Variants in SPOCK3 observed in about 807,000 individuals in gnomAD.
The protein encoded by SPOCK3 is testican-3.
A neutral mutation model predicts 56.6 loss-of-function variants in SPOCK3; 30 were observed. That is an observed-to-expected ratio of 0.53 (90% CI 0.40 to 0.72). The LOEUF (loss-of-function observed/expected upper bound fraction) is 0.72, where lower values mean the gene tolerates loss of function less well. SPOCK3 is among the 30% of genes least tolerant of loss of function. The probability of loss-of-function intolerance (pLI) is 0.00; values close to 1 mark genes in which losing one functional copy is unlikely to be tolerated. For synonymous variants in SPOCK3, 196 were observed against 183.3 expected, an observed-to-expected ratio of 1.07 and a Z score of -0.56; for missense variants, 527 against 530.0, an observed-to-expected ratio of 0.99 and a Z score of 0.06.
chr4:167,069,481 A>C (rs1243740118), intron 2 of SPOCK3, among the ~76,000 whole-genome samples: 2 of 152,010 alleles, frequency 1.3e-5, no homozygotes, highest in Admixed American at 6.6e-5. Context: ...AGATAAAAAT[A>C]ATAAACTGTG....
At chr4:167,021,242 G>T (rs989579174) in intron 3 of SPOCK3, among the ~76,000 whole-genome samples, 4 of 151,926 alleles carry the variant, frequency 2.6e-5, no homozygotes, top group Non-Finnish European at 1.5e-5. Flanking sequence ...ACACAAAGTG[G>T]CTCATTAAAT....
At chr4:166,823,227 T>C (rs1332073575) in intron 6 of SPOCK3, among the ~76,000 whole-genome samples, 5 of 152,068 alleles carry the variant, frequency 3.3e-5, no homozygotes, top group Admixed American at 6.6e-5. Context: ...ATAAACACTT[T>C]CAAGCTGAGA....
chr4:167,044,163 G>T (rs1270227312), intron 3 of SPOCK3, among the ~76,000 whole-genome samples: 1 of 151,836 alleles, frequency 6.6e-6, no homozygotes, highest in Non-Finnish European at 1.5e-5. Context: ...TCTTTTTCAG[G>T]TTTTAGCAGA....
intron 5 of SPOCK3, among the ~76,000 whole-genome samples, chr4:166,900,246 T>C (rs1011048090): frequency 2.5e-4 from 38 of 152,186 alleles, no homozygotes; most frequent in African/African-American, 9.2e-4. Flanking sequence ...GTGCACTTTT[T>C]ATCACCTAAT....
At chr4:167,056,075 T>A (rs1046659783) in intron 3 of SPOCK3, among the ~76,000 whole-genome samples, 55 of 152,238 alleles carry the variant, frequency 3.6e-4, no homozygotes, top group African/African-American at 1.3e-3. Context: ...GACTGACACC[T>A]CACATGGACA....
chr4:167,021,732 C>T (rs1751200781), intron 3 of SPOCK3, among the ~76,000 whole-genome samples: 1 of 151,966 alleles, frequency 6.6e-6, no homozygotes, highest in African/African-American at 2.4e-5. Flanking sequence ...AAAGGTCAAA[C>T]GGCCACCACC....
chr4:166,889,600 G>A (rs1734553529), intron 5 of SPOCK3, among the ~76,000 whole-genome samples: 1 of 151,876 alleles, frequency 6.6e-6, no homozygotes, highest in African/African-American at 2.4e-5. Flanking sequence ...CATCTCTTGA[G>A]CTTCTCAAAT....
At chr4:167,213,487 A>T (rs1735075096) in intron 2 of SPOCK3, among the ~76,000 whole-genome samples, 2 of 152,206 alleles carry the variant, frequency 1.3e-5, no homozygotes, top group Admixed American at 6.5e-5. Flanking sequence ...ATAAGTGAGA[A>T]AACTTTAATA....
At chr4:167,010,818 AG>A (rs1257465467) in intron 3 of SPOCK3, among the ~76,000 whole-genome samples, 1 of 149,988 alleles carries the variant, frequency 6.7e-6, no homozygotes, top group Non-Finnish European at 1.5e-5. Context: ...ATTAATTTCC[AG>A]TGGGGGGGAG....
intron 4 of SPOCK3, among the ~76,000 whole-genome samples, chr4:166,971,062 C>T (rs1010601621): frequency 1.3e-5 from 2 of 152,136 alleles, no homozygotes; most frequent in Non-Finnish European, 2.9e-5. Context: ...AGTTGAAACA[C>T]ATCAGAAGTA....
At chr4:166,836,960 C>G (rs1042937298) in intron 6 of SPOCK3, among the ~76,000 whole-genome samples, 2 of 152,074 alleles carry the variant, frequency 1.3e-5, no homozygotes, top group African/African-American at 4.8e-5. Flanking sequence ...CTATCAATTC[C>G]CACTTGTCCA....
At chr4:166,770,576 C>G (rs944064122) in intron 7 of SPOCK3, among the ~76,000 whole-genome samples, 2 of 151,972 alleles carry the variant, frequency 1.3e-5, no homozygotes, top group Admixed American at 6.6e-5. Context: ...AAATATAAAA[C>G]TGATATGTCT....
intron 4 of SPOCK3, among the ~76,000 whole-genome samples, chr4:166,929,981 A>G (rs7699507): frequency 0.19 from 29,589 of 152,146 alleles, 3,207 homozygotes; most frequent in South Asian, 0.26. Context: ...ATAATGTTTA[A>G]AAAATGACAT....
intron 2 of SPOCK3, among the ~76,000 whole-genome samples, chr4:167,129,176 A>C (rs1454057912): frequency 1.3e-5 from 2 of 152,234 alleles, no homozygotes; most frequent in South Asian, 4.1e-4. Context: ...TCAGAAATGC[A>C]GATTCTCAAG....
intron 7 of SPOCK3, among the ~76,000 whole-genome samples, chr4:166,773,651 A>G (rs1489557316): frequency 6.6e-6 from 1 of 152,054 alleles, no homozygotes; most frequent in Admixed American, 6.5e-5. Flanking sequence ...CTCAGTGTTC[A>G]CTTCTCAGCT....
intron 5 of SPOCK3, among the ~76,000 whole-genome samples, chr4:166,899,508 C>CTTTTTTTTTTTTTTTTTTTTTT (rs781766258): frequency 8.4e-6 from 1 of 119,100 alleles, no homozygotes; most frequent in Non-Finnish European, 1.7e-5. Flanking sequence ...TTCTTTCTTT[C>CTTTTTTTTTTTTTTTTTTTTTT]TTTTTTTTTT....
In SPOCK3 at chr4:166,764,379, C is replaced by T. The variant is rs188397978; in HGVS notation, c.710-9650G>A. Among the ~76,000 whole-genome samples the T allele has an allele frequency of 3.3e-3, 495 of 152,138 alleles. 3 individuals carry two copies. Among genetic ancestry groups the T allele is most frequent in the African/African-American group, 0.011 (454 of 41,488 alleles). On this transcript the variant is annotated intron_variant, in intron 7 of 10. Coordinates refer to ENST00000357545, the MANE Select transcript of SPOCK3 (RefSeq NM_001040159.2). Reference sequence around the variant, plus strand: ...CAACAGGCCCTGGTGTGTGATGCTCCCCTTCCTGTGTCCAAGTGTTCTCAT... The same window carrying T: ...CAACAGGCCCTGGTGTGTGATGCTCTCCTTCCTGTGTCCAAGTGTTCTCAT...
rs553196352 is a variant in SPOCK3, at chr4:167,000,125, CTTTA to C, written c.350+220_350+223del. ...TTAAATATCATCTTTATAAGACCTT[CTTTA>C]TTTAATAATATATGCCTCAAATTCT... On this transcript the variant is annotated intron_variant, in intron 4 of 10. Transcript: ENST00000357545. Among the ~76,000 whole-genome samples the C allele has an allele frequency of 3.0e-4, 45 of 152,240 alleles. 1 individual carries two copies. The East Asian group carries it at 7.7e-3, about 26-fold the overall frequency.
At chr4:167,220,145 G>A (rs1294353347) in intron 2 of SPOCK3, among the ~76,000 whole-genome samples, 3 of 152,080 alleles carry the variant, frequency 2.0e-5, no homozygotes, top group Non-Finnish European at 4.4e-5. Flanking sequence ...CAAATGATAT[G>A]TATGTTGATT....
Sources: gnomAD v4.1 joint callset for allele counts (sites outside exome capture counted in the v4.1 genomes callset) on GRCh38, gnomAD v4.1.1 for gene constraint, MANE v1.5 for transcripts, NCBI Gene and HGNC (gene_info 2026-07-23, HGNC 2026-07-21) for gene names.